Variants in RNF213 observed in about 807,000 individuals in gnomAD.
RNF213 encodes ring finger protein 213.
In RNF213, 341 loss-of-function variants were observed where a neutral mutation model predicts 514.4. The observed-to-expected ratio is 0.66, with a 90% CI of 0.61 to 0.73. RNF213 has a LOEUF of 0.73. RNF213 is among the 30% of genes least tolerant of loss of function. The probability of loss-of-function intolerance (pLI) is 0.00; values close to 1 mark genes in which losing one functional copy is unlikely to be tolerated. For synonymous variants in RNF213, 2,655 were observed against 2,658.2 expected (o/e 1.00, Z 0.04); for missense variants, 5,767 against 6,615.6 (o/e 0.87, Z 4.45).
At chr17:80,354,196 G>T in intron 35 of RNF213, 30 bp downstream of exon 35, 1 of 1,610,238 alleles carries the variant, frequency 6.2e-7, no homozygotes, top group Non-Finnish European at 8.5e-7. Context: ...TCTTGCCCCT[G>T]CCCCCACGTG....
intron 2 of RNF213, among the ~76,000 whole-genome samples, chr17:80,265,986 A>G (rs554332109): frequency 2.6e-5 from 4 of 152,282 alleles, no homozygotes; most frequent in African/African-American, 9.6e-5. Context: ...TGGGAAGCCC[A>G]TGGCCAGGCT....
chr17:80,317,212 C>G lies in RNF213; in HGVS notation c.2836C>G (p.Gln946Glu). Reference sequence around the variant, plus strand: ...GGTCTGGAGGCGGCTGGTGGAAATCCAATTCCCCGCGGAGCATGGCTGGAA... The same window carrying G: ...GGTCTGGAGGCGGCTGGTGGAAATCGAATTCCCCGCGGAGCATGGCTGGAA... ...IEVWRRLVEI[Q>E]FPAEHGWKES... is the part of the protein sequence containing the mutation. Residue 946 changes from glutamine (Q) to glutamate (E), a missense_variant, in exon 16 of 68, where the codon CAA becomes GAA. Coordinates refer to ENST00000582970, the MANE Select transcript of RNF213 (RefSeq NM_001256071.3). The surrounding 1 kb of genome is among the most constrained non-coding windows in gnomAD (Gnocchi z 4.1). The G allele has an allele frequency of 6.2e-7, 1 of 1,612,636 alleles. No individual in the cohort carries two copies. The highest frequency in any genetic ancestry group is 8.5e-7 in the Non-Finnish European group (1 of 1,179,820).
At chr17:80,311,131 C>T (rs1362439986) in intron 14 of RNF213, among the ~76,000 whole-genome samples, 4 of 152,152 alleles carry the variant, frequency 2.6e-5, no homozygotes, top group African/African-American at 9.7e-5. Context: ...TAAATGTTGG[C>T]TGGGATCTCA....
intron 3 of RNF213, among the ~76,000 whole-genome samples, chr17:80,283,722 G>C (rs1047893597): frequency 8.5e-5 from 13 of 152,182 alleles, no homozygotes; most frequent in South Asian, 2.1e-4. Flanking sequence ...GGTGGGAGGT[G>C]GGGGGTGGTC....
chr17:80,280,581 G>A (rs1285423346), intron 3 of RNF213, among the ~76,000 whole-genome samples: 1 of 151,892 alleles, frequency 6.6e-6, no homozygotes, highest in Non-Finnish European at 1.5e-5. Flanking sequence ...AGCCTCCCGA[G>A]TAGCTGGGAC....
At chr17:80,355,896 T>C (rs2078796505) in intron 36 of RNF213, among the ~76,000 whole-genome samples, 1 of 151,950 alleles carries the variant, frequency 6.6e-6, no homozygotes, top group Admixed American at 6.5e-5. Context: ...CTGATTCTAC[T>C]TTTTCTCTAG....
intron 2 of RNF213, among the ~76,000 whole-genome samples, chr17:80,269,966 G>C (rs1176278594): frequency 6.6e-6 from 1 of 152,220 alleles, no homozygotes; most frequent in Non-Finnish European, 1.5e-5. Flanking sequence ...TGTAAATGCT[G>C]GTTGGCAAAT....
chr17:80,393,709 CTT>C lies in RNF213; in HGVS notation c.*213_*214del. ...AACCATGTACATACATGTTCTGAAA[CTT>C]TCTCATCATTTTATGAGTACTGTTC... On this transcript the variant is annotated 3_prime_UTR_variant, in exon 68 of 68. Transcript: ENST00000582970. 1 of 552,570 alleles carries C rather than the reference CTT, an allele frequency of 1.8e-6. No individual in the cohort carries two copies. Among genetic ancestry groups the C allele is most frequent in the East Asian group, 3.1e-5 (1 of 32,234 alleles). 34.2% of individuals were successfully genotyped at this position (552,570 alleles called of 1,614,324 possible). A position where few individuals can be genotyped will look rare whatever the true frequency, so the allele number is the denominator to read the frequency against.
At chr17:80,304,512 C>T (rs958483182) in intron 11 of RNF213, among the ~76,000 whole-genome samples, 20 of 151,904 alleles carry the variant, frequency 1.3e-4, no homozygotes, top group African/African-American at 1.9e-4. Context: ...TGGTGGCAGG[C>T]GCCTGTAGTC....
At chr17:80,383,574 C>T (rs954568909) in intron 58 of RNF213, 103 bp from the exon 59 acceptor site, 33 of 1,201,066 alleles carry the variant, frequency 2.7e-5, no homozygotes, top group Middle Eastern at 2.0e-4. Flanking sequence ...AGGGGACAAA[C>T]GCCCTAATAT....
At chr17:80,324,371 A>C (rs1353056452) in intron 17 of RNF213, among the ~76,000 whole-genome samples, 1 of 152,282 alleles carries the variant, frequency 6.6e-6, no homozygotes, top group East Asian at 1.9e-4. Flanking sequence ...ATATTTTCCT[A>C]ATGTTATTAA....
At chr17:80,367,650 G>A (rs1307492644) in intron 42 of RNF213, 98 bp from the exon 43 acceptor site, 11 of 877,654 alleles carry the variant, frequency 1.3e-5, no homozygotes, top group Admixed American at 5.5e-5. Context: ...CACACACGGC[G>A]CAGCCTTGGC....
intron 30 of RNF213, 146 bp downstream of exon 30, chr17:80,350,052 C>T (rs2078450470): frequency 5.1e-6 from 5 of 971,330 alleles, no homozygotes; most frequent in Non-Finnish European, 8.0e-6. Flanking sequence ...TCCCAGCATC[C>T]CTCTCATCTC....
intron 11 of RNF213, among the ~76,000 whole-genome samples, chr17:80,304,031 G>T (rs1377607672): frequency 6.6e-6 from 1 of 150,694 alleles, no homozygotes; most frequent in African/African-American, 2.4e-5. Flanking sequence ...ACCTAGAAAG[G>T]CTAGATATAG....
At chr17:80,271,063 C>T (rs556652754) in intron 2 of RNF213, among the ~76,000 whole-genome samples, 1 of 152,202 alleles carries the variant, frequency 6.6e-6, no homozygotes, top group Non-Finnish European at 1.5e-5. Flanking sequence ...TAAATATCGG[C>T]CCTGATTGGA....
chr17:80,387,514 CTG>C (rs1450153506), intron 63 of RNF213, among the ~76,000 whole-genome samples: 1 of 152,186 alleles, frequency 6.6e-6, no homozygotes, highest in Non-Finnish European at 1.5e-5. Flanking sequence ...GCTGTGCCTT[CTG>C]TGTGTCCTCA....
chr17:80,311,235 A>G (rs749282694), intron 14 of RNF213, among the ~76,000 whole-genome samples: 6 of 152,234 alleles, frequency 3.9e-5, no homozygotes, highest in Non-Finnish European at 7.3e-5. Context: ...CTAAAATTAA[A>G]CAAAGCAAAA....
Position 80,394,415 on chromosome 17 carries a change from A to G in RNF213, c.*917A>G, listed in dbSNP as rs1405932561. The G allele has an allele frequency of 2.0e-5, 3 of 152,240 alleles. No individual in the cohort carries two copies. The highest frequency in any genetic ancestry group is 7.2e-5 in the African/African-American group (3 of 41,468). 9.4% of individuals were successfully genotyped at this position (152,240 alleles called of 1,614,324 possible). ...GGTTCTCAGCCAAGACATAAAAACT[A>G]GGACTCAGAGCACATACAAAACCAG... On this transcript the variant is annotated 3_prime_UTR_variant, in exon 68 of 68. Transcript: ENST00000582970.
At position 80,276,061 on chromosome 17, in the gene RNF213, C is replaced by CTTTA. The variant is rs541486971; in HGVS notation, c.261+2681_261+2684dup. Among the ~76,000 whole-genome samples, 778 of 150,872 alleles carry CTTTA rather than the reference C, an allele frequency of 5.2e-3. 2 individuals carry two copies. Among genetic ancestry groups the CTTTA allele is most frequent in the South Asian group, 0.016 (79 of 4,792 alleles). ...TGGCAACAAGCCAAAGGAACATAGA[C>CTTTA]TTTATTTATTTATTTATTTATTTAT... On this transcript the variant is annotated intron_variant, in intron 3 of 67. Transcript: ENST00000582970.
Sources: allele counts gnomAD v4.1 joint callset (sites outside exome capture counted in the v4.1 genomes callset), GRCh38; gene constraint gnomAD v4.1.1; non-coding constraint Gnocchi (gnomAD v3.1); transcripts MANE v1.5; gene names NCBI Gene and HGNC (gene_info 2026-07-23, HGNC 2026-07-21).